Variants in SLX4IP observed in about 807,000 individuals in gnomAD.
SLX4IP encodes the protein SLX4 interacting protein.
A neutral mutation model predicts 32.9 loss-of-function variants in SLX4IP; 34 were observed. The observed-to-expected ratio is 1.03, with a 90% CI of 0.79 to 1.38. SLX4IP has a LOEUF of 1.38. Ranked by LOEUF, SLX4IP falls within the 40% of genes most tolerant of loss-of-function variation. SLX4IP has a pLI of 0.00. For missense variants in SLX4IP, 444 were observed against 479.0 expected, an observed-to-expected ratio of 0.93 and a Z score of 0.68; for synonymous variants, 172 against 171.7, an observed-to-expected ratio of 1.00 and a Z score of -0.01.
At chr20:10,575,989 A>G (rs2066519086) in intron 4 of SLX4IP, among the ~76,000 whole-genome samples, 1 of 152,158 alleles carries the variant, frequency 6.6e-6, no homozygotes, top group Non-Finnish European at 1.5e-5. Context: ...ACACATTGGG[A>G]CCGTGATTTG....
intron 1 of SLX4IP, among the ~76,000 whole-genome samples, chr20:10,444,649 T>C (rs142411673): frequency 0.011 from 1,702 of 152,264 alleles, 28 homozygotes; most frequent in African/African-American, 0.039. Context: ...GTGCTGGGAT[T>C]ACAGACATGA....
intron 7 of SLX4IP, among the ~76,000 whole-genome samples, chr20:10,622,335 T>G (rs1308127518): frequency 1.3e-5 from 2 of 152,080 alleles, no homozygotes; most frequent in African/African-American, 4.8e-5. Context: ...AAAAAATCAG[T>G]ATATAGGCAG....
intron 2 of SLX4IP, among the ~76,000 whole-genome samples, chr20:10,475,383 G>C (rs2065467402): frequency 6.6e-6 from 1 of 152,174 alleles, no homozygotes; most frequent in Non-Finnish European, 1.5e-5. Flanking sequence ...TGCTAGTCAA[G>C]GCTCTTTGGA....
At chr20:10,497,199 A>G (rs614540) in intron 2 of SLX4IP, among the ~76,000 whole-genome samples, 63,805 of 151,888 alleles carry the variant, frequency 0.42, 13,772 homozygotes, top group Admixed American at 0.51. Flanking sequence ...TTAGTTTTTC[A>G]ATGTCAGAAA....
rs114235626 is a variant in SLX4IP, at chr20:10,505,566, C to T, written c.27+47335C>T. 4.2e-3 allele frequency among the ~76,000 whole-genome samples: 647 copies of T among 152,264 alleles called. 6 individuals are homozygous for T. The highest frequency in any genetic ancestry group is 0.015 in the African/African-American group (607 of 41,536). ...TGGGCCAAGCTGAAGGAACGCCTCT[C>T]ATCTCTCTCATGTTTGTACTGAAGA... On this transcript the variant is annotated intron_variant, in intron 2 of 7. Coordinates refer to ENST00000334534, the MANE Select transcript of SLX4IP (RefSeq NM_001009608.3).
intron 2 of SLX4IP, among the ~76,000 whole-genome samples, chr20:10,534,089 G>C (rs1270367767): frequency 6.6e-6 from 1 of 152,124 alleles, no homozygotes; most frequent in African/African-American, 2.4e-5. Context: ...GCAGGGTGAG[G>C]GTGGTGGGTC....
intron 6 of SLX4IP, among the ~76,000 whole-genome samples, chr20:10,611,269 T>C (rs1406933644): frequency 2.6e-5 from 4 of 152,202 alleles, no homozygotes; most frequent in South Asian, 2.1e-4. Flanking sequence ...GCAACAAACC[T>C]GAGAAGAGAT....
At chr20:10,576,391 A>G (rs563353976) in intron 4 of SLX4IP, among the ~76,000 whole-genome samples, 1 of 152,328 alleles carries the variant, frequency 6.6e-6, no homozygotes, top group South Asian at 2.1e-4. Flanking sequence ...CTGTTCAGGT[A>G]CACCTAATTG....
At chr20:10,474,522 T>C (rs1795353502) in intron 2 of SLX4IP, among the ~76,000 whole-genome samples, 1 of 152,202 alleles carries the variant, frequency 6.6e-6, no homozygotes, top group African/African-American at 2.4e-5. Flanking sequence ...CTTTAGGTAT[T>C]GATGTCCTCC....
At chr20:10,460,948 C>G (rs553634730) in intron 2 of SLX4IP, among the ~76,000 whole-genome samples, 1 of 152,280 alleles carries the variant, frequency 6.6e-6, no homozygotes, top group South Asian at 2.1e-4. Flanking sequence ...TGTTTTTATT[C>G]TGGCTTGGGA....
At chr20:10,465,537 GCT>G (rs943819504) in intron 2 of SLX4IP, among the ~76,000 whole-genome samples, 1 of 152,148 alleles carries the variant, frequency 6.6e-6, no homozygotes, top group African/African-American at 2.4e-5. Context: ...CTCGCTTGTT[GCT>G]CTGTCGCCCA....
intron 2 of SLX4IP, among the ~76,000 whole-genome samples, chr20:10,462,897 C>G (rs2065350063): frequency 2.0e-5 from 3 of 152,180 alleles, no homozygotes. Flanking sequence ...ATTATGTGCA[C>G]ACAAGTGCAT....
At chr20:10,461,995 G>A (rs1199192913) in intron 2 of SLX4IP, among the ~76,000 whole-genome samples, 1 of 152,058 alleles carries the variant, frequency 6.6e-6, no homozygotes, top group African/African-American at 2.4e-5. Context: ...AGCGAAAAAG[G>A]AAGGTATTAC....
intron 3 of SLX4IP, among the ~76,000 whole-genome samples, chr20:10,558,408 T>C (rs1475580828): frequency 6.6e-6 from 1 of 150,650 alleles, no homozygotes; most frequent in African/African-American, 2.4e-5. Flanking sequence ...TGTGTGTGCG[T>C]AAGAAAGGAG....
intron 2 of SLX4IP, among the ~76,000 whole-genome samples, chr20:10,524,064 A>T (rs917216868): frequency 3.9e-5 from 6 of 152,272 alleles, no homozygotes; most frequent in Admixed American, 1.3e-4. Flanking sequence ...CGGGCTCATG[A>T]CCCTAAGACT....
chr20:10,560,844 T>C (rs1479203290), intron 4 of SLX4IP, 24 bp downstream of exon 4: 1 of 1,543,112 alleles, frequency 6.5e-7, no homozygotes, highest in Admixed American at 2.1e-5. Context: ...ACTTTGATTT[T>C]GGACAAAAAA....
intron 2 of SLX4IP, among the ~76,000 whole-genome samples, chr20:10,495,875 A>G (rs1402312799): frequency 6.6e-6 from 1 of 151,978 alleles, no homozygotes; most frequent in Non-Finnish European, 1.5e-5. Flanking sequence ...TAAGTGGCAA[A>G]TAGCTGGGTT....
intron 2 of SLX4IP, among the ~76,000 whole-genome samples, chr20:10,500,684 C>T (rs757110952): frequency 3.9e-5 from 6 of 151,958 alleles, no homozygotes; most frequent in Non-Finnish European, 7.4e-5. Context: ...CCCAGGAGGT[C>T]GAGGCTGCAT....
intron 2 of SLX4IP, among the ~76,000 whole-genome samples, chr20:10,517,896 G>T (rs1310854003): frequency 6.6e-6 from 1 of 152,108 alleles, no homozygotes; most frequent in Non-Finnish European, 1.5e-5. Flanking sequence ...CTTCCAGAAG[G>T]AAAATTTTAT....
Sources: gnomAD v4.1 joint callset for allele counts (sites outside exome capture counted in the v4.1 genomes callset) on GRCh38, gnomAD v4.1.1 for gene constraint, MANE v1.5 for transcripts, NCBI Gene and HGNC (gene_info 2026-07-23, HGNC 2026-07-21) for gene names.